The following ATG7 variants were observed in gnomAD, a reference collection of about 807,000 sequenced individuals.
The protein encoded by ATG7 is ubiquitin-like modifier-activating enzyme ATG7.
Under a neutral mutation model 82.4 loss-of-function variants are expected in ATG7, and 70 were observed. The ratio of observed to expected loss-of-function variants is 0.85; its 90% confidence interval spans 0.70 to 1.04. The LOEUF (loss-of-function observed/expected upper bound fraction) is 1.04. Among genes scored for constraint, ATG7 ranks in the 50% least tolerant of loss-of-function variants. The probability of loss-of-function intolerance (pLI) is 0.00; values close to 1 mark genes in which losing one functional copy is unlikely to be tolerated. For missense variants in ATG7, 792 were observed against 864.3 expected, an observed-to-expected ratio of 0.92 and a Z score of 1.05; for synonymous variants, 287 against 313.0, an observed-to-expected ratio of 0.92 and a Z score of 0.88.
chr3:11,436,954 G>A (rs1209307222), intron 20 of ATG7, among the ~76,000 whole-genome samples: 1 of 152,164 alleles, frequency 6.6e-6, no homozygotes, highest in South Asian at 2.1e-4. Flanking sequence ...GTTTCCTTTC[G>A]AGGTGATGAA....
At chr3:11,395,723 G>A (rs1258371011) in intron 19 of ATG7, among the ~76,000 whole-genome samples, 2 of 151,680 alleles carry the variant, frequency 1.3e-5, no homozygotes, top group East Asian at 2.0e-4. Flanking sequence ...GGCAGATCAC[G>A]AGGTCAGGAG....
chr3:11,558,487 T>G, downstream of ATG7: 2 of 1,507,272 alleles, frequency 1.3e-6, no homozygotes, highest in Non-Finnish European at 1.8e-6. Flanking sequence ...TTTTTTTTTT[T>G]TAAGTACTGA....
At chr3:11,512,395 G>A (rs2092104647) in intron 20 of ATG7, among the ~76,000 whole-genome samples, 1 of 152,198 alleles carries the variant, frequency 6.6e-6, no homozygotes, top group South Asian at 2.1e-4. Context: ...CAAAAACCAG[G>A]TCAGCAGTAC....
chr3:11,433,864 A>T (rs1410596658), intron 20 of ATG7, among the ~76,000 whole-genome samples: 1 of 152,238 alleles, frequency 6.6e-6, no homozygotes, highest in African/African-American at 2.4e-5. Context: ...CTAAAAAGAA[A>T]GCAACAACCA....
the ATG7 span, chr3:11,568,651 G>A: frequency 6.4e-7 from 1 of 1,566,140 alleles, no homozygotes; most frequent in Non-Finnish European, 8.7e-7. The surrounding 1 kb of genome is among the most constrained non-coding windows in gnomAD (Gnocchi z 5.9). Context: ...GACAGACATT[G>A]TTTTCCAGGC....
the ATG7 span, among the ~76,000 whole-genome samples, chr3:11,563,601 G>C: frequency 1.3e-5 from 2 of 152,350 alleles, no homozygotes; most frequent in South Asian, 4.1e-4. Context: ...GTGAGCGCTC[G>C]TAAAACGTTG....
chr3:11,301,119 A>C (rs971438921), intron 5 of ATG7, among the ~76,000 whole-genome samples: 2 of 152,190 alleles, frequency 1.3e-5, no homozygotes, highest in Non-Finnish European at 2.9e-5. Context: ...GTGTTAGAGA[A>C]ACCAAAGAAG....
intron 9 of ATG7, among the ~76,000 whole-genome samples, chr3:11,319,473 G>A (rs1462881623): frequency 6.6e-6 from 1 of 152,094 alleles, no homozygotes; most frequent in Non-Finnish European, 1.5e-5. Flanking sequence ...AGAAATGTTG[G>A]AATCCCTCTG....
chr3:11,400,196 C>T (rs895950620), intron 19 of ATG7, among the ~76,000 whole-genome samples: 21 of 152,268 alleles, frequency 1.4e-4, no homozygotes, highest in African/African-American at 4.6e-4. Flanking sequence ...AGGTAACCTG[C>T]TGGTAGATCA....
chr3:11,380,439 T>C (rs1394100041), intron 19 of ATG7, among the ~76,000 whole-genome samples: 1 of 152,206 alleles, frequency 6.6e-6, no homozygotes, highest in African/African-American at 2.4e-5. Flanking sequence ...ATGCATCTTC[T>C]GCAGATCCAC....
At chr3:11,461,419 C>T (rs535229519) in intron 20 of ATG7, among the ~76,000 whole-genome samples, 35 of 152,240 alleles carry the variant, frequency 2.3e-4, no homozygotes, top group Middle Eastern at 3.4e-3. Context: ...ATTTCCACGG[C>T]GTCTTTTCTT....
chr3:11,533,123 A>T (rs1266358885), intron 20 of ATG7, among the ~76,000 whole-genome samples: 1 of 152,206 alleles, frequency 6.6e-6, no homozygotes, highest in Non-Finnish European at 1.5e-5. Flanking sequence ...TTCAGTGGGC[A>T]GTGCTCTTCA....
chr3:11,350,029 T>C (rs2152793987), intron 14 of ATG7, among the ~76,000 whole-genome samples: 1 of 152,336 alleles, frequency 6.6e-6, no homozygotes, highest in South Asian at 2.1e-4. Flanking sequence ...CCAGAGCATT[T>C]GCTTATACTT....
At chr3:11,358,008 CAAA>C (rs549902316) in intron 14 of ATG7, among the ~76,000 whole-genome samples, 10 of 80,900 alleles carry the variant, frequency 1.2e-4, no homozygotes, top group Non-Finnish European at 1.3e-4. Flanking sequence ...GACCTTGTCT[CAAA>C]AAAAAAAAAA....
chr3:11,453,092 G>A (rs1301815232), intron 20 of ATG7, among the ~76,000 whole-genome samples: 1 of 152,124 alleles, frequency 6.6e-6, no homozygotes, highest in Non-Finnish European at 1.5e-5. Context: ...TGTCCACCAC[G>A]CCTTTAGAGA....
At chr3:11,468,693 C>T (rs558585345) in intron 20 of ATG7, among the ~76,000 whole-genome samples, 1 of 152,296 alleles carries the variant, frequency 6.6e-6, no homozygotes, top group African/African-American at 2.4e-5. Context: ...ACCTGTTCCT[C>T]TAAATGCCTG....
At chr3:11,510,379 G>A (rs1416801369) in intron 20 of ATG7, 25 of 378,306 alleles carry the variant, frequency 6.6e-5, no homozygotes, top group Non-Finnish European at 1.1e-4. Flanking sequence ...CCCTGCCCCA[G>A]TTTAAAAAAA....
Position 11,299,078 on chromosome 3 carries a change from C to T in ATG7, c.160+223C>T, listed in dbSNP as rs145962843. The T allele has an allele frequency of 1.3e-4, 76 of 595,314 alleles. No individual in the cohort carries two copies. In the African/African-American group the frequency reaches 1.3e-3, roughly 10 times the overall value. The allele number at this position is 595,314 out of a possible 1,614,324, so 36.9% of individuals were successfully genotyped here. A position where few individuals can be genotyped will look rare whatever the true frequency, so the allele number is the denominator to read the frequency against. On this transcript the variant is annotated intron_variant, in intron 4 of 20. Coordinates refer to ENST00000693202, the MANE Select transcript of ATG7 (RefSeq NM_001349232.2). ...GAGTAGTGAAACTCAAATTATTAAT[C>T]CAAATAATACCCATTACTTAGCATT...
At chr3:11,442,286 G>C (rs2084053908) in intron 20 of ATG7, among the ~76,000 whole-genome samples, 1 of 152,106 alleles carries the variant, frequency 6.6e-6, no homozygotes, top group African/African-American at 2.4e-5. Context: ...GTTCACTCCT[G>C]GCCCCATCGC....
Sources: allele counts gnomAD v4.1 joint callset (sites outside exome capture counted in the v4.1 genomes callset), GRCh38; gene constraint gnomAD v4.1.1; non-coding constraint Gnocchi (gnomAD v3.1); transcripts MANE v1.5; gene names NCBI Gene and HGNC (gene_info 2026-07-23, HGNC 2026-07-21).